The following FKBP9 variants were observed in gnomAD, a reference collection of about 807,000 sequenced individuals.
FKBP9 encodes the protein FKBP prolyl isomerase 9.
A neutral mutation model predicts 55.6 loss-of-function variants in FKBP9; 27 were observed. The ratio of observed to expected loss-of-function variants is 0.49; its 90% CI spans 0.36 to 0.67. FKBP9 has a LOEUF of 0.67. Ranked by LOEUF, FKBP9 falls within the 30% of genes least tolerant of loss-of-function variation. FKBP9 has a pLI of 0.00. For missense variants in FKBP9, 539 were observed against 742.8 expected, an observed-to-expected ratio of 0.73 and a Z score of 3.19; for synonymous variants, 267 against 296.5, an observed-to-expected ratio of 0.90 and a Z score of 1.02.
rs118113675 is a variant in FKBP9, at chr7:33,006,126, C to T, written c.*775C>T. On this transcript the variant is annotated 3_prime_UTR_variant, in exon 10 of 10. Coordinates refer to ENST00000242209, the MANE Select transcript of FKBP9 (RefSeq NM_007270.5). ...TTTTTTTTTTTTCTGGAGGCAGAGT[C>T]TCCCTTTGTCGCCAGGCTGGAGTGC... 2,000 of 152,244 alleles carry T rather than the reference C, an allele frequency of 0.013. 99 individuals carry two copies. In the East Asian group the frequency reaches 0.15, roughly 11 times the overall value. The allele number at this position is 152,244 out of a possible 1,614,324, so 9.4% of individuals were successfully genotyped here. A position where few individuals can be genotyped will look rare whatever the true frequency, so the allele number is the denominator to read the frequency against.
At chr7:32,993,113 G>A (rs1019525715) in intron 6 of FKBP9, 1 of 232,482 alleles carries the variant, frequency 4.3e-6, no homozygotes, top group Admixed American at 5.6e-5. Flanking sequence ...CCTGGAGAAG[G>A]CCCTGCACCT....
In FKBP9 at chr7:32,976,556, G is replaced by T. The variant is rs962403820; in HGVS notation, c.703+57G>T. The T allele has an allele frequency of 4.7e-5, 73 of 1,543,894 alleles. No individual in the cohort carries two copies. The African/African-American group carries it at 9.5e-4, about 20-fold the overall frequency. Reference sequence around the variant, plus strand: ...TCCTACCCTTATTTTTATTGCAGTGGTTAATTCAGTTGTCACCACATGAAA... The same window carrying T: ...TCCTACCCTTATTTTTATTGCAGTGTTTAATTCAGTTGTCACCACATGAAA... On this transcript the variant is annotated intron_variant, in intron 4 of 9. Transcript: ENST00000242209.
chr7:32,974,855 G>A lies in FKBP9; in HGVS notation c.367+93G>A, dbSNP rs1334827192. The A allele has an allele frequency of 6.6e-6, 8 of 1,216,874 alleles. No homozygotes were observed. In the African/African-American group the frequency reaches 1.0e-4, roughly 16 times the overall value. 75.4% of individuals were successfully genotyped at this position (1,216,874 alleles called of 1,614,324 possible). A position where few individuals can be genotyped will look rare whatever the true frequency, so the allele number is the denominator to read the frequency against. Reference sequence around the variant, plus strand: ...TCAAACAGACTGGAGAATCTTGGAAGCTTTAGATTGGGGGAAAATGAAAAG... The same window carrying A: ...TCAAACAGACTGGAGAATCTTGGAAACTTTAGATTGGGGGAAAATGAAAAG... On this transcript the variant is annotated intron_variant, in intron 2 of 9. Coordinates refer to ENST00000242209, the MANE Select transcript of FKBP9 (RefSeq NM_007270.5).
At chr7:32,965,155 T>A (rs1428537050) in intron 1 of FKBP9, among the ~76,000 whole-genome samples, 1 of 152,182 alleles carries the variant, frequency 6.6e-6, no homozygotes, top group East Asian at 1.9e-4. Flanking sequence ...TTTCTTTCTT[T>A]TTGAGACAGG....
At chr7:32,973,578 CAA>C (rs1562565444) in intron 1 of FKBP9, among the ~76,000 whole-genome samples, 1 of 38,218 alleles carries the variant, frequency 2.6e-5, no homozygotes, top group African/African-American at 8.5e-5. Flanking sequence ...TAAAAAAAAT[CAA>C]GTGTGTGTGT....
chr7:32,976,543 T>A (rs1180519320), intron 4 of FKBP9, 44 bp downstream of exon 4: 1 of 1,554,300 alleles, frequency 6.4e-7, no homozygotes, highest in Admixed American at 2.0e-5. Flanking sequence ...CTACCCTTAT[T>A]TTTATTGCAG....
chr7:32,982,271 G>A (rs545454489), intron 5 of FKBP9, among the ~76,000 whole-genome samples: 7 of 152,008 alleles, frequency 4.6e-5, no homozygotes, highest in African/African-American at 1.4e-4. Context: ...TCCACCCAAC[G>A]CAGCCTCCCA....
chr7:32,965,884 T>TATATAG lies in FKBP9; in HGVS notation c.221+8091_221+8092insTATAGA, dbSNP rs1554284369. ...ATATATATACATACATATATATATA[T>TATATAG]AGAGAGAGAGAGAGAGAGCCATGGG... On this transcript the variant is annotated intron_variant, in intron 1 of 9. Coordinates refer to ENST00000242209, the MANE Select transcript of FKBP9 (RefSeq NM_007270.5). Among the ~76,000 whole-genome samples, 15 of 110,380 alleles carry TATATAG rather than the reference T, an allele frequency of 1.4e-4. 1 individual carries two copies. The highest frequency in any genetic ancestry group is 5.7e-4 in the African/African-American group (15 of 26,474). The allele number at this position is 110,380 out of a possible 152,430, so 72.4% of individuals were successfully genotyped here.
chr7:32,993,728 G>A lies in FKBP9; in HGVS notation c.1040-2435G>A, dbSNP rs139263964. ...TAATCTCAGCTGAGGCAGGGAAATCGCTTGAACCCGGGGGACGGAGGTTGC... is the reference window on the plus strand; with the variant it reads ...TAATCTCAGCTGAGGCAGGGAAATCACTTGAACCCGGGGGACGGAGGTTGC... On this transcript the variant is annotated intron_variant, in intron 6 of 9. Coordinates refer to ENST00000242209, the MANE Select transcript of FKBP9 (RefSeq NM_007270.5). Among the ~76,000 whole-genome samples the A allele has an allele frequency of 9.3e-3, 1,417 of 151,964 alleles. 22 individuals carry two copies. The highest frequency in any genetic ancestry group is 0.055 in the South Asian group (266 of 4,826).
chr7:32,967,676 G>A (rs888550106), intron 1 of FKBP9, among the ~76,000 whole-genome samples: 5 of 152,128 alleles, frequency 3.3e-5, no homozygotes, highest in African/African-American at 4.8e-5. Context: ...ATTGTAAATC[G>A]TGCTGAGTTG....
At position 33,006,165 on chromosome 7, in the gene FKBP9, C is replaced by T. The variant is rs550889164; in HGVS notation, c.*814C>T. 47 of 188,728 alleles carry T rather than the reference C, an allele frequency of 2.5e-4. No homozygotes were observed. Among genetic ancestry groups the T allele is most frequent in the African/African-American group, 9.0e-4 (35 of 38,998 alleles). 11.7% of individuals were successfully genotyped at this position (188,728 alleles called of 1,614,324 possible). ...AGGCTGGAGTGCAGTGGTGCCATCT[C>T]GGCTCACTGCAGCACTGTCTCGGCT... On this transcript the variant is annotated 3_prime_UTR_variant, in exon 10 of 10. Coordinates refer to ENST00000242209, the MANE Select transcript of FKBP9 (RefSeq NM_007270.5).
intron 5 of FKBP9, among the ~76,000 whole-genome samples, chr7:32,985,174 C>A (rs983248182): frequency 8.0e-6 from 1 of 124,402 alleles, no homozygotes; most frequent in Non-Finnish European, 1.7e-5. Flanking sequence ...TTCTTTCTTT[C>A]TTTCTTTTTT....
intron 5 of FKBP9, among the ~76,000 whole-genome samples, chr7:32,981,164 G>A (rs1784469449): frequency 1.3e-5 from 2 of 151,640 alleles, no homozygotes; most frequent in African/African-American, 2.4e-5. Flanking sequence ...TCTAGCCCCT[G>A]TCTGTGGTGC....
intron 5 of FKBP9, among the ~76,000 whole-genome samples, chr7:32,985,882 A>G (rs34081562): frequency 0.33 from 49,784 of 151,972 alleles, 10,134 homozygotes; most frequent in Non-Finnish European, 0.47. Context: ...AATCCCAACT[A>G]CTTGGGAGGC....
chr7:32,970,208 T>A (rs1407400936), intron 1 of FKBP9, among the ~76,000 whole-genome samples: 1 of 152,018 alleles, frequency 6.6e-6, no homozygotes, highest in Non-Finnish European at 1.5e-5. Context: ...CTTTCTTTCT[T>A]TTTTTAGAGA....
At chr7:32,963,938 A>G (rs914303138) in intron 1 of FKBP9, among the ~76,000 whole-genome samples, 3 of 152,212 alleles carry the variant, frequency 2.0e-5, no homozygotes, top group Admixed American at 2.0e-4. Context: ...GTGGGGGCCC[A>G]GGCTCACCCT....
chr7:32,997,695 G>T (rs1164227255), intron 7 of FKBP9, among the ~76,000 whole-genome samples: 4 of 152,174 alleles, frequency 2.6e-5, no homozygotes, highest in Non-Finnish European at 4.4e-5. Context: ...GGGCGTAGTG[G>T]CGGGCAAATG....
At chr7:33,001,535 GA>G (rs11364810) in intron 8 of FKBP9, among the ~76,000 whole-genome samples, 85,587 of 149,270 alleles carry the variant, frequency 0.57, 25,435 homozygotes, top group African/African-American at 0.73. Flanking sequence ...CTCCATCTCA[GA>G]AAAAAAAAAA....
intron 1 of FKBP9, chr7:32,963,558 C>T (rs775416208): frequency 4.0e-5 from 46 of 1,158,396 alleles, no homozygotes; most frequent in Middle Eastern, 4.1e-4. Context: ...TGGGATACAG[C>T]GGAGGATAAA....
Sources: allele counts gnomAD v4.1 joint callset (sites outside exome capture counted in the v4.1 genomes callset), GRCh38; gene constraint gnomAD v4.1.1; transcripts MANE v1.5; gene names NCBI Gene and HGNC (gene_info 2026-07-23, HGNC 2026-07-21).